Variants in DDX10 observed in about 807,000 individuals in gnomAD.
DDX10 encodes probable ATP-dependent RNA helicase DDX10.
A neutral mutation model predicts 104.3 loss-of-function variants in DDX10; 74 were observed. The ratio of observed to expected loss-of-function variants is 0.71; its 90% CI spans 0.59 to 0.86. DDX10 has a LOEUF of 0.86. Ranked by LOEUF, DDX10 falls within the 40% of genes least tolerant of loss-of-function variation. The probability of loss-of-function intolerance (pLI) is 0.00; values close to 1 mark genes in which losing one functional copy is unlikely to be tolerated. For missense variants in DDX10, 952 were observed against 1,040.0 expected (o/e 0.92, Z 1.16); for synonymous variants, 351 against 353.4 (o/e 0.99, Z 0.08).
At chr11:108,838,199 T>C (rs1440308652) in intron 13 of DDX10, among the ~76,000 whole-genome samples, 3 of 152,178 alleles carry the variant, frequency 2.0e-5, no homozygotes, top group African/African-American at 7.2e-5. Flanking sequence ...GTTCTAGTAA[T>C]AGAGAAAATG....
chr11:108,841,613 CT>C (rs1247565435), intron 15 of DDX10, 137 bp downstream of exon 15: 2 of 842,718 alleles, frequency 2.4e-6, no homozygotes, highest in Non-Finnish European at 3.6e-6. Context: ...TGTGGCTACT[CT>C]TTTTTCTGTT....
intron 13 of DDX10, among the ~76,000 whole-genome samples, chr11:108,731,034 T>G (rs894438361): frequency 6.6e-6 from 1 of 151,862 alleles, no homozygotes. Flanking sequence ...CCAGTTGAAA[T>G]AGAAAGGCTA....
At chr11:108,746,023 T>C (rs1766074597) in intron 13 of DDX10, among the ~76,000 whole-genome samples, 1 of 152,136 alleles carries the variant, frequency 6.6e-6, no homozygotes, top group Admixed American at 6.5e-5. Flanking sequence ...GAATGTTTTT[T>C]ATCACTTCCA....
chr11:108,875,992 C>T (rs899630242), intron 16 of DDX10, among the ~76,000 whole-genome samples: 3 of 151,986 alleles, frequency 2.0e-5, no homozygotes, highest in South Asian at 2.1e-4. Context: ...CAGGTTTGCA[C>T]GTGAAGAAAA....
chr11:108,850,215 A>G (rs1862772251), intron 15 of DDX10, among the ~76,000 whole-genome samples: 1 of 152,172 alleles, frequency 6.6e-6, no homozygotes, highest in Admixed American at 6.5e-5. Flanking sequence ...GAAAATTTAA[A>G]AGGGAAAATT....
At chr11:108,819,189 A>C (rs950617036) in intron 13 of DDX10, among the ~76,000 whole-genome samples, 6 of 152,116 alleles carry the variant, frequency 3.9e-5, no homozygotes, top group Non-Finnish European at 8.8e-5. Context: ...TGTTATATAC[A>C]TGCTATCTTT....
chr11:108,674,595 C>T (rs1318789078), intron 2 of DDX10, among the ~76,000 whole-genome samples: 1 of 151,968 alleles, frequency 6.6e-6, no homozygotes, highest in Non-Finnish European at 1.5e-5. Flanking sequence ...ACTGCATCCT[C>T]AGCCTTCTGG....
intron 6 of DDX10, among the ~76,000 whole-genome samples, chr11:108,682,173 C>T (rs542052270): frequency 1.6e-4 from 24 of 152,122 alleles, no homozygotes; most frequent in African/African-American, 5.1e-4. Flanking sequence ...GGCATGATCT[C>T]GGGTCACTGC....
rs765139 is a variant in DDX10, at chr11:108,707,806, A to G, written c.1322+969A>G. Reference sequence around the variant, plus strand: ...GTAATATTAAAACCAAAAAGCTACAATTAGATTCTTCTCAGCAGTTCCCTT... The same window carrying G: ...GTAATATTAAAACCAAAAAGCTACAGTTAGATTCTTCTCAGCAGTTCCCTT... On this transcript the variant is annotated intron_variant, in intron 10 of 17. Transcript: ENST00000322536. Among the ~76,000 whole-genome samples the G allele has an allele frequency of 3.8e-3, 584 of 152,346 alleles. 2 individuals carry two copies. Among genetic ancestry groups the G allele is most frequent in the African/African-American group, 0.013 (551 of 41,580 alleles).
intron 13 of DDX10, among the ~76,000 whole-genome samples, chr11:108,743,336 A>C (rs376394991): frequency 8.0e-4 from 122 of 152,318 alleles, no homozygotes; most frequent in African/African-American, 2.7e-3. Context: ...ACATCTCTTC[A>C]TGTTAAAAAC....
chr11:108,884,582 T>C (rs1863270365), intron 16 of DDX10, among the ~76,000 whole-genome samples: 1 of 152,236 alleles, frequency 6.6e-6, no homozygotes, highest in Non-Finnish European at 1.5e-5. Flanking sequence ...GTCACAGCAC[T>C]GGATCGTATC....
chr11:108,904,251 A>G (rs1022158910), intron 16 of DDX10, among the ~76,000 whole-genome samples: 1 of 152,184 alleles, frequency 6.6e-6, no homozygotes, highest in African/African-American at 2.4e-5. Context: ...GCTAAAGGAA[A>G]ACAATAGTTT....
At chr11:108,724,541 T>C (rs1159794252) in intron 13 of DDX10, among the ~76,000 whole-genome samples, 1 of 152,114 alleles carries the variant, frequency 6.6e-6, no homozygotes, top group Admixed American at 6.5e-5. Context: ...CCAATAATCC[T>C]GTACTGTCTC....
chr11:108,873,488 A>G (rs1373038467), intron 16 of DDX10, among the ~76,000 whole-genome samples: 1 of 152,092 alleles, frequency 6.6e-6, no homozygotes, highest in East Asian at 1.9e-4. Context: ...CCATTATAGG[A>G]TTGTTTTCCC....
intron 2 of DDX10, 106 bp downstream of exon 2, chr11:108,673,633 T>G (rs2134436158): frequency 1.3e-6 from 1 of 757,360 alleles, no homozygotes; most frequent in Non-Finnish European, 2.2e-6. Flanking sequence ...TTTGGCAAAT[T>G]TTGATATCAT....
At chr11:108,776,665 G>A (rs144509434) in intron 13 of DDX10, among the ~76,000 whole-genome samples, 23 of 152,264 alleles carry the variant, frequency 1.5e-4, no homozygotes, top group African/African-American at 4.1e-4. Context: ...CAATACTCAC[G>A]TGAGATCCTT....
intron 13 of DDX10, among the ~76,000 whole-genome samples, chr11:108,771,644 G>A (rs1466490898): frequency 6.6e-6 from 1 of 151,998 alleles, no homozygotes; most frequent in African/African-American, 2.4e-5. Context: ...GTTATGAGAA[G>A]GAGACTTGGT....
chr11:108,928,729 G>A (rs1035137403), intron 17 of DDX10, among the ~76,000 whole-genome samples: 2 of 152,114 alleles, frequency 1.3e-5, no homozygotes, highest in African/African-American at 2.4e-5. Flanking sequence ...AAGATCTAAC[G>A]AGGGTAAAAA....
At chr11:108,905,864 G>T (rs954404836) in intron 16 of DDX10, among the ~76,000 whole-genome samples, 4 of 152,214 alleles carry the variant, frequency 2.6e-5, no homozygotes, top group African/African-American at 9.7e-5. Flanking sequence ...CAGAAGGCAT[G>T]GAGCAGAAGT....
Sources: gnomAD v4.1 joint callset for allele counts (sites outside exome capture counted in the v4.1 genomes callset) on GRCh38, gnomAD v4.1.1 for gene constraint, MANE v1.5 for transcripts, NCBI Gene and HGNC (gene_info 2026-07-23, HGNC 2026-07-21) for gene names.